The following HEMK2 variants were observed in gnomAD, a reference collection of about 807,000 sequenced individuals.
HEMK2 encodes the protein methyltransferase HEMK2.
At chr21:28,838,972 A>AAAAAAAAAATATATAT in the HEMK2 span, among the ~76,000 whole-genome samples, 1 of 29,164 alleles carries the variant, frequency 3.4e-5, no homozygotes, top group Non-Finnish European at 5.6e-5. Flanking sequence ...AAAAAAAAAA[A>AAAAAAAAAATATATAT]ATATATATAT....
the HEMK2 span, among the ~76,000 whole-genome samples, chr21:28,832,222 T>G: frequency 6.6e-6 from 1 of 152,288 alleles, no homozygotes; most frequent in Non-Finnish European, 1.5e-5. Flanking sequence ...GATCTCACAT[T>G]GTAGGGCAAA....
chr21:28,793,445 G>A, the HEMK2 span, among the ~76,000 whole-genome samples: 4 of 116,100 alleles, frequency 3.4e-5, no homozygotes, highest in Non-Finnish European at 6.5e-5. Context: ...TTGAACTTAT[G>A]AAGGAAAACC....
At chr21:28,816,598 T>C in the HEMK2 span, among the ~76,000 whole-genome samples, 2 of 152,164 alleles carry the variant, frequency 1.3e-5, no homozygotes, top group African/African-American at 4.8e-5. Context: ...GTAGGATCGC[T>C]TGAGCCCAGG....
the HEMK2 span, among the ~76,000 whole-genome samples, chr21:28,767,951 C>T: frequency 6.6e-6 from 1 of 151,988 alleles, no homozygotes; most frequent in Non-Finnish European, 1.5e-5. Flanking sequence ...CCTCCAGCGA[C>T]CCCCCTTTTT....
At chr21:28,633,610 A>G in the HEMK2 span, among the ~76,000 whole-genome samples, 4 of 152,208 alleles carry the variant, frequency 2.6e-5, no homozygotes, top group Non-Finnish European at 5.9e-5. Context: ...TTTAGAAACC[A>G]GAGGCCCATT....
chr21:28,704,363 A>G, the HEMK2 span, among the ~76,000 whole-genome samples: 1 of 152,158 alleles, frequency 6.6e-6, no homozygotes, highest in Non-Finnish European at 1.5e-5. Flanking sequence ...AAGTGCCCTG[A>G]GACTTCAAAC....
the HEMK2 span, among the ~76,000 whole-genome samples, chr21:28,758,947 C>CA: frequency 6.6e-6 from 1 of 152,190 alleles, no homozygotes; most frequent in African/African-American, 2.4e-5. Context: ...GCTGCACTCT[C>CA]ACTCCTGGTA....
chr21:28,699,002 T>A, the HEMK2 span, among the ~76,000 whole-genome samples: 1 of 152,222 alleles, frequency 6.6e-6, no homozygotes, highest in Non-Finnish European at 1.5e-5. Flanking sequence ...AACCAAAATG[T>A]AAGCATTCAT....
chr21:28,681,152 C>T, the HEMK2 span, among the ~76,000 whole-genome samples: 33 of 151,896 alleles, frequency 2.2e-4, no homozygotes, highest in Admixed American at 2.0e-3. Flanking sequence ...TCTAGAAAAC[C>T]CCATCATCTC....
chr21:28,730,739 G>A, the HEMK2 span, among the ~76,000 whole-genome samples: 1 of 152,178 alleles, frequency 6.6e-6, no homozygotes, highest in African/African-American at 2.4e-5. Context: ...GCAAGAAAGA[G>A]AGGACTGCAA....
At chr21:28,606,742 C>T in the HEMK2 span, among the ~76,000 whole-genome samples, 1 of 152,048 alleles carries the variant, frequency 6.6e-6, no homozygotes, top group Non-Finnish European at 1.5e-5. Flanking sequence ...ATAAATAAGA[C>T]AGAAAAGGCT....
the HEMK2 span, among the ~76,000 whole-genome samples, chr21:28,580,719 A>G: frequency 6.6e-6 from 1 of 152,084 alleles, no homozygotes; most frequent in African/African-American, 2.4e-5. Flanking sequence ...CTCCAACCCA[A>G]TAGTCGACAA....
At chr21:28,809,351 G>C in the HEMK2 span, among the ~76,000 whole-genome samples, 1 of 152,130 alleles carries the variant, frequency 6.6e-6, no homozygotes, top group African/African-American at 2.4e-5. Flanking sequence ...CAAATGATCG[G>C]CTACTGAGTT....
chr21:28,846,240 A>G, the HEMK2 span, among the ~76,000 whole-genome samples: 1 of 152,044 alleles, frequency 6.6e-6, no homozygotes, highest in African/African-American at 2.4e-5. Flanking sequence ...CTATTGTGAA[A>G]AGTGCTGCAA....
the HEMK2 span, among the ~76,000 whole-genome samples, chr21:28,785,763 G>A: frequency 6.6e-6 from 1 of 152,130 alleles, no homozygotes; most frequent in Non-Finnish European, 1.5e-5. Context: ...AAATTCAAAT[G>A]AGACCAGAAG....
the HEMK2 span, among the ~76,000 whole-genome samples, chr21:28,849,577 C>T: frequency 1.3e-5 from 2 of 152,064 alleles, no homozygotes; most frequent in South Asian, 2.1e-4. Context: ...CAAAGATCAT[C>T]GACATCCAAG....
At chr21:28,641,083 A>T in the HEMK2 span, among the ~76,000 whole-genome samples, 6 of 152,194 alleles carry the variant, frequency 3.9e-5, no homozygotes, top group Admixed American at 2.6e-4. Context: ...TCCTTTTTTC[A>T]TGCTTTTTTC....
chr21:28,881,391 A>G, the HEMK2 span, among the ~76,000 whole-genome samples: 6 of 152,190 alleles, frequency 3.9e-5, no homozygotes, highest in Non-Finnish European at 7.3e-5. Flanking sequence ...ATAGGCACAT[A>G]ACCCAAGTTG....
chr21:28,621,019 TC>T, the HEMK2 span, among the ~76,000 whole-genome samples: 15,568 of 152,042 alleles, frequency 0.1, 1,028 homozygotes, highest in East Asian at 0.33. Flanking sequence ...AGTTGGTTAA[TC>T]TTTTCAAAAA....
Sources: gnomAD v4.1 joint callset for allele counts (sites outside exome capture counted in the v4.1 genomes callset) on GRCh38, gnomAD v4.1.1 for gene constraint, MANE v1.5 for transcripts, NCBI Gene and HGNC (gene_info 2026-07-23, HGNC 2026-07-21) for gene names.